MYT1L: variants seen among roughly 807,000 people sequenced by gnomAD.
MYT1L encodes the protein myelin transcription factor 1-like protein.
Under a neutral mutation model 126.7 loss-of-function variants are expected in MYT1L, and 12 were observed. The ratio of observed to expected loss-of-function variants is 0.09; its 90% CI spans 0.06 to 0.15. The LOEUF is 0.15. Among genes scored for constraint, MYT1L ranks in the 10% least tolerant of loss-of-function variants. The probability of loss-of-function intolerance (pLI) is 1.00; values close to 1 mark genes in which losing one functional copy is unlikely to be tolerated. For missense variants in MYT1L, 979 were observed against 1,585.2 expected, an observed-to-expected ratio of 0.62 and a Z score of 6.49; for synonymous variants, 541 against 604.2, an observed-to-expected ratio of 0.90 and a Z score of 1.53.
chr2:2,308,067 A>C (rs1187934541), intron 1 of MYT1L, among the ~76,000 whole-genome samples: 2 of 151,468 alleles, frequency 1.3e-5, no homozygotes, highest in African/African-American at 4.9e-5. Context: ...CCTATGCTTC[A>C]TCTATACTTC....
Position 2,174,846 on chromosome 2 carries a change from T to C in MYT1L, c.-420-1858A>G, listed in dbSNP as rs111454153. Among the ~76,000 whole-genome samples the C allele has an allele frequency of 1.2e-4, 19 of 152,206 alleles. 1 individual carries two copies. Among genetic ancestry groups the C allele is most frequent in the African/African-American group, 4.3e-4 (18 of 41,454 alleles). ...AATCTTGGTGTGAACATTTGTTGAG[T>C]GAATAAATCTCTCTGAAGTTCAGGT... On this transcript the variant is annotated intron_variant, in intron 2 of 24. Coordinates refer to ENST00000647738, the MANE Select transcript of MYT1L (RefSeq NM_001303052.2).
At chr2:2,218,601 G>A (rs991578811) in intron 2 of MYT1L, among the ~76,000 whole-genome samples, 5 of 152,168 alleles carry the variant, frequency 3.3e-5, no homozygotes, top group Non-Finnish European at 4.4e-5. Context: ...AAAGGAGCAT[G>A]GGGAAACCTT....
chr2:1,994,793 C>T (rs2061700232), intron 5 of MYT1L, among the ~76,000 whole-genome samples: 1 of 152,062 alleles, frequency 6.6e-6, no homozygotes, highest in Non-Finnish European at 1.5e-5. Context: ...TATGTTTTGC[C>T]ATAGAAAAAT....
At chr2:1,884,985 A>G (rs2047994878) in intron 18 of MYT1L, among the ~76,000 whole-genome samples, 1 of 152,238 alleles carries the variant, frequency 6.6e-6, no homozygotes, top group South Asian at 2.1e-4. Flanking sequence ...CGCCAAGCCC[A>G]ACGTGAAGGG....
intron 3 of MYT1L, among the ~76,000 whole-genome samples, chr2:2,163,739 GA>G (rs767761122): frequency 0.07 from 8,191 of 117,770 alleles, 257 homozygotes; most frequent in Non-Finnish European, 0.086. Flanking sequence ...CTCCGTCTCA[GA>G]AAAAAAAAAA....
At chr2:2,122,857 G>A (rs2081217005) in intron 3 of MYT1L, among the ~76,000 whole-genome samples, 2 of 147,174 alleles carry the variant, frequency 1.4e-5, no homozygotes, top group African/African-American at 2.6e-5. Context: ...GTGTGTGTGT[G>A]TGTGTGTGTG....
chr2:1,990,150 T>G (rs1410308167), intron 5 of MYT1L, among the ~76,000 whole-genome samples: 8 of 152,232 alleles, frequency 5.3e-5, no homozygotes, highest in African/African-American at 1.9e-4. Context: ...ATAAACGGTG[T>G]GGTCAAGGGA....
intron 1 of MYT1L, among the ~76,000 whole-genome samples, chr2:2,300,410 A>C (rs1028570902): frequency 1.3e-5 from 2 of 152,194 alleles, no homozygotes; most frequent in Admixed American, 1.3e-4. Context: ...TTGTATAATC[A>C]GTTTTAGGTG....
At chr2:1,913,484 C>A (rs979510276) in intron 11 of MYT1L, among the ~76,000 whole-genome samples, 5 of 152,234 alleles carry the variant, frequency 3.3e-5, no homozygotes, top group Middle Eastern at 3.4e-3. Flanking sequence ...AAGTGCTGCT[C>A]CTCCCTACAG....
intron 21 of MYT1L, among the ~76,000 whole-genome samples, chr2:1,831,580 C>A (rs749194088): frequency 1.6e-4 from 25 of 152,186 alleles, no homozygotes; most frequent in Non-Finnish European, 3.1e-4. Flanking sequence ...GGTGCCTGAT[C>A]TTTTCCCTAA....
intron 2 of MYT1L, among the ~76,000 whole-genome samples, chr2:2,239,646 C>T (rs1307469099): frequency 6.6e-6 from 1 of 152,194 alleles, no homozygotes; most frequent in African/African-American, 2.4e-5. Flanking sequence ...ATATCCATTT[C>T]CAAAACCTGC....
chr2:2,082,726 C>A (rs1343032665), intron 3 of MYT1L, among the ~76,000 whole-genome samples: 1 of 152,148 alleles, frequency 6.6e-6, no homozygotes, highest in Non-Finnish European at 1.5e-5. Context: ...TATATATAAA[C>A]CCTTCGGAAA....
chr2:1,836,983 G>A (rs1044027246), intron 21 of MYT1L, among the ~76,000 whole-genome samples: 4 of 152,242 alleles, frequency 2.6e-5, no homozygotes, highest in East Asian at 1.9e-4. Flanking sequence ...GTAGACAGAG[G>A]TGTGTGGGTG....
chr2:1,958,763 G>A (rs1299433172), intron 8 of MYT1L, among the ~76,000 whole-genome samples: 1 of 149,106 alleles, frequency 6.7e-6, no homozygotes, highest in African/African-American at 2.5e-5. Flanking sequence ...CAACTGCAGA[G>A]GCCCCTTCTT....
chr2:2,229,619 G>A (rs1428350403), intron 2 of MYT1L, among the ~76,000 whole-genome samples: 4 of 124,348 alleles, frequency 3.2e-5, no homozygotes, highest in African/African-American at 1.5e-4. Flanking sequence ...TTTTTGCACA[G>A]ATGGGGCCTC....
chr2:1,814,910 AGAAGT>A (rs2037386976), intron 21 of MYT1L, among the ~76,000 whole-genome samples: 1 of 152,090 alleles, frequency 6.6e-6, no homozygotes, highest in South Asian at 2.1e-4. Context: ...AGCTCCAGGG[AGAAGT>A]GAAGTACAGG....
Position 2,038,342 on chromosome 2 carries a change from C to T in MYT1L, c.-158+15636G>A, listed in dbSNP as rs549334792. On this transcript the variant is annotated intron_variant, in intron 4 of 24. Transcript: ENST00000647738. The stretch of plus-strand genomic sequence containing the variant: ...TGGTTGAGTAGAATCTCACCCTGTT[C>T]TCAGGTGACCCCATTATCTTCTCCC... 2.0e-5 allele frequency among the ~76,000 whole-genome samples: 3 copies of T among 152,242 alleles called. No individual in the cohort carries two copies. In the South Asian group the frequency reaches 6.2e-4, roughly 32 times the overall value.
At chr2:1,857,174 G>A (rs1370184443) in intron 18 of MYT1L, among the ~76,000 whole-genome samples, 1 of 152,236 alleles carries the variant, frequency 6.6e-6, no homozygotes, top group Admixed American at 6.5e-5. Context: ...TCTTACAGGA[G>A]CATGACTGCG....
At chr2:2,149,660 A>AT (rs1225511526) in intron 3 of MYT1L, among the ~76,000 whole-genome samples, 1 of 152,194 alleles carries the variant, frequency 6.6e-6, no homozygotes, top group African/African-American at 2.4e-5. Context: ...GGGCTGTTTC[A>AT]TTCTGGCATT....
Sources: gnomAD v4.1 joint callset for allele counts (sites outside exome capture counted in the v4.1 genomes callset) on GRCh38, gnomAD v4.1.1 for gene constraint, MANE v1.5 for transcripts, NCBI Gene and HGNC (gene_info 2026-07-23, HGNC 2026-07-21) for gene names.